Variants in OSBPL3 observed in about 807,000 individuals in gnomAD.
OSBPL3 encodes the protein oxysterol-binding protein-related protein 3.
OSBPL3 carries 65 observed loss-of-function variants against 120.1 expected under a neutral mutation model. The observed-to-expected ratio is 0.54, with a 90% CI of 0.44 to 0.67. The LOEUF (loss-of-function observed/expected upper bound fraction) is 0.67, where lower values mean the gene tolerates loss of function less well. Ranked by LOEUF, OSBPL3 falls within the 30% of genes least tolerant of loss-of-function variation. OSBPL3 has a pLI of 0.00. For synonymous variants in OSBPL3, 416 were observed against 402.6 expected (o/e 1.03, Z -0.40); for missense variants, 1,004 against 1,082.1 (o/e 0.93, Z 1.01).
rs1262790888 is a variant in OSBPL3, at chr7:24,968,985, G to A, written c.-150+10901C>T. ...CAATTTTGCATATATATCATTTTGT[G>A]AATTTTGCATATCTGTAGGATAAAG... On this transcript the variant is annotated intron_variant, in intron 1 of 22. Coordinates refer to ENST00000313367, the MANE Select transcript of OSBPL3 (RefSeq NM_015550.4). The surrounding 1 kb of genome is among the most constrained non-coding windows in gnomAD (Gnocchi z 4.6). Among the ~76,000 whole-genome samples the A allele has an allele frequency of 6.6e-6, 1 of 152,108 alleles. No homozygotes were observed. Among genetic ancestry groups the A allele is most frequent in the Non-Finnish European group, 1.5e-5 (1 of 68,020 alleles).
chr7:24,862,636 C>G lies in OSBPL3; in HGVS notation c.870+564G>C, dbSNP rs1461919428. On this transcript the variant is annotated intron_variant, in intron 9 of 22. Transcript: ENST00000313367. This position sits in a 1 kb window ranked among gnomAD's most constrained non-coding sequence, Gnocchi z 4.4. Reference sequence around the variant, plus strand: ...TAAAACTGTTGCAATTAATATGCAACAGTTAAGCTGCAAATCTTGGCCTGT... The same window carrying G: ...TAAAACTGTTGCAATTAATATGCAAGAGTTAAGCTGCAAATCTTGGCCTGT... 6.6e-6 allele frequency among the ~76,000 whole-genome samples: 1 copy of G among 152,106 alleles called. No homozygotes were observed. The highest frequency in any genetic ancestry group is 1.5e-5 in the Non-Finnish European group (1 of 68,032).
At chr7:24,923,063 G>A (rs1447035317) in intron 1 of OSBPL3, among the ~76,000 whole-genome samples, 1 of 152,142 alleles carries the variant, frequency 6.6e-6, no homozygotes, top group Non-Finnish European at 1.5e-5. Context: ...CAGAATCAGA[G>A]GTGGAACCAA....
At position 24,900,280 on chromosome 7, in the gene OSBPL3, G is replaced by A. The variant is rs1398876603; in HGVS notation, c.-149-7659C>T. Among the ~76,000 whole-genome samples, 7 of 152,094 alleles carry A rather than the reference G, an allele frequency of 4.6e-5. No individual in the cohort carries two copies. Among genetic ancestry groups the A allele is most frequent in the Non-Finnish European group, 7.4e-5 (5 of 68,000 alleles). ...TTACAACCATGGCATAGAATCTTTC[G>A]GCCTTTGGTATACAGCAGGTCCTCG... On this transcript the variant is annotated intron_variant, in intron 1 of 22. Transcript: ENST00000313367. The surrounding 1 kb of genome is among the most constrained non-coding windows in gnomAD (Gnocchi z 4.5).
chr7:24,918,179 G>A lies in OSBPL3; in HGVS notation c.-149-25558C>T, dbSNP rs945937200. ...TTTACAGTTTCATGTACAGACCTGA[G>A]AGGTCAAGAGAGTCATGAGAAACTG... On this transcript the variant is annotated intron_variant, in intron 1 of 22. Coordinates refer to ENST00000313367, the MANE Select transcript of OSBPL3 (RefSeq NM_015550.4). This position sits in a 1 kb window ranked among gnomAD's most constrained non-coding sequence, Gnocchi z 4.3. 7.1e-6 allele frequency: 3 copies of A among 424,486 alleles called. No homozygotes were observed. The highest frequency in any genetic ancestry group is 2.2e-5 in the African/African-American group (1 of 46,488). 26.3% of individuals were successfully genotyped at this position (424,486 alleles called of 1,614,324 possible).
At chr7:24,923,205 C>G (rs983482116) in intron 1 of OSBPL3, among the ~76,000 whole-genome samples, 2 of 152,214 alleles carry the variant, frequency 1.3e-5, no homozygotes, top group Non-Finnish European at 2.9e-5. Context: ...GCCTGTTGAC[C>G]TCTCTCTACA....
In OSBPL3 at chr7:24,946,903, C is replaced by G. The variant is rs559923695; in HGVS notation, c.-150+32983G>C. 6.6e-6 allele frequency among the ~76,000 whole-genome samples: 1 copy of G among 152,322 alleles called. No individual in the cohort carries two copies. The highest frequency in any genetic ancestry group is 1.5e-5 in the Non-Finnish European group (1 of 68,012). On this transcript the variant is annotated intron_variant, in intron 1 of 22. Transcript: ENST00000313367. The surrounding 1 kb of genome is among the most constrained non-coding windows in gnomAD (Gnocchi z 4.3). ...GATAAGAACTGTCTTAACTCTTTTT[C>G]TTTCCCACAACACTCATCAGGAATC...
At chr7:24,980,588 C>T (rs1301816698), upstream of OSBPL3, among the ~76,000 whole-genome samples, 1 of 152,046 alleles carries the variant, frequency 6.6e-6, no homozygotes, top group Admixed American at 6.5e-5. Flanking sequence ...ACGGAGAAGG[C>T]TCCAGGGGAC....
At chr7:24,903,300 T>G (rs1244396375) in intron 1 of OSBPL3, among the ~76,000 whole-genome samples, 2 of 152,162 alleles carry the variant, frequency 1.3e-5, no homozygotes, top group Non-Finnish European at 2.9e-5. Context: ...TAATAGCCTC[T>G]AGCTCACAGA....
intron 22 of OSBPL3, among the ~76,000 whole-genome samples, chr7:24,801,050 G>T (rs1792274051): frequency 6.6e-6 from 1 of 151,078 alleles, no homozygotes; most frequent in African/African-American, 2.4e-5. Context: ...AGACCAGCTT[G>T]GCCAACATGG....
At position 24,815,947 on chromosome 7, in the gene OSBPL3, A is replaced by T. The variant is rs764353720; in HGVS notation, c.2027+663T>A. Among the ~76,000 whole-genome samples the T allele has an allele frequency of 7.2e-5, 11 of 152,252 alleles. No individual in the cohort carries two copies. Among genetic ancestry groups the T allele is most frequent in the African/African-American group, 2.7e-4 (11 of 41,468 alleles). ...GCATCTTGCTTTATAAATAAGTATC[A>T]ATCATCCCTATCAGATCAAGGCCAT... On this transcript the variant is annotated intron_variant, in intron 18 of 22. Transcript: ENST00000313367. The surrounding 1 kb of genome is among the most constrained non-coding windows in gnomAD (Gnocchi z 5.1).
intron 14 of OSBPL3, among the ~76,000 whole-genome samples, chr7:24,839,966 G>A (rs1797498466): frequency 8.8e-6 from 1 of 113,624 alleles, no homozygotes; most frequent in Non-Finnish European, 1.7e-5. Flanking sequence ...ACTCCAGCCT[G>A]GGGACAGAAA....
At chr7:24,962,958 T>A (rs1310034005) in intron 1 of OSBPL3, among the ~76,000 whole-genome samples, 1 of 152,240 alleles carries the variant, frequency 6.6e-6, no homozygotes, top group Non-Finnish European at 1.5e-5. Context: ...AAAAAGTTTT[T>A]AAATATTTTT....
Position 24,877,389 on chromosome 7 carries a change from T to C in OSBPL3, c.97-5320A>G, listed in dbSNP as rs1248706362. ...CTGTGCATTTTAAGGCTGCCAAGTC[T>C]TCGCCATTCATTTTTTTTCATATTT... On this transcript the variant is annotated intron_variant, in intron 2 of 22. Transcript: ENST00000313367. This position sits in a 1 kb window ranked among gnomAD's most constrained non-coding sequence, Gnocchi z 4.8. Among the ~76,000 whole-genome samples the C allele has an allele frequency of 6.6e-6, 1 of 152,182 alleles. No individual in the cohort carries two copies. The highest frequency in any genetic ancestry group is 1.5e-5 in the Non-Finnish European group (1 of 68,034).
In OSBPL3 at chr7:24,894,054, G is replaced by A. The variant is rs1805762544; in HGVS notation, c.-149-1433C>T. 6.6e-6 allele frequency among the ~76,000 whole-genome samples: 1 copy of A among 151,992 alleles called. No individual in the cohort carries two copies. The highest frequency in any genetic ancestry group is 1.5e-5 in the Non-Finnish European group (1 of 68,030). On this transcript the variant is annotated intron_variant, in intron 1 of 22. Transcript: ENST00000313367. The surrounding 1 kb of genome is among the most constrained non-coding windows in gnomAD (Gnocchi z 4.1). ...ACATAGTCTAATTATAAAAAGAAGA[G>A]TATCATATATTTGTCTAGGAACCAG...
chr7:24,917,414 A>G (rs1324479799), intron 1 of OSBPL3, among the ~76,000 whole-genome samples: 1 of 141,030 alleles, frequency 7.1e-6, no homozygotes, highest in Non-Finnish European at 1.5e-5. Flanking sequence ...ATATATATAT[A>G]TATATATATA....
chr7:24,845,317 G>C (rs1027210947), intron 12 of OSBPL3, among the ~76,000 whole-genome samples: 5 of 143,766 alleles, frequency 3.5e-5, no homozygotes, highest in African/African-American at 1.3e-4. Flanking sequence ...CTGGATGAAG[G>C]CTGCATGGGA....
chr7:24,880,727 G>A (rs1399676109), intron 2 of OSBPL3, among the ~76,000 whole-genome samples: 2 of 152,048 alleles, frequency 1.3e-5, no homozygotes, highest in Admixed American at 1.3e-4. Flanking sequence ...ATGAGTGAGG[G>A]GCTTTTAAGG....
At chr7:24,963,193 A>G (rs979951721) in intron 1 of OSBPL3, among the ~76,000 whole-genome samples, 2 of 152,210 alleles carry the variant, frequency 1.3e-5, no homozygotes, top group Non-Finnish European at 2.9e-5. Flanking sequence ...AGGAGCTCAC[A>G]GGATAAAGTG....
rs182671926 is a variant in OSBPL3, at chr7:24,916,392, G to A, written c.-149-23771C>T. ...TTAACATTTGTTATCTTCCGCTTGA[G>A]CTTTTTTGGGTAATATTTTACTTTC... On this transcript the variant is annotated intron_variant, in intron 1 of 22. Coordinates refer to ENST00000313367, the MANE Select transcript of OSBPL3 (RefSeq NM_015550.4). The surrounding 1 kb of genome is among the most constrained non-coding windows in gnomAD (Gnocchi z 4.9). 1.6e-4 allele frequency among the ~76,000 whole-genome samples: 24 copies of A among 152,016 alleles called. No individual in the cohort carries two copies. The highest frequency in any genetic ancestry group is 8.5e-4 in the Admixed American group (13 of 15,258).
Sources: gnomAD v4.1 joint callset for allele counts (sites outside exome capture counted in the v4.1 genomes callset) on GRCh38, gnomAD v4.1.1 for gene constraint, Gnocchi (gnomAD v3.1) non-coding constraint, MANE v1.5 for transcripts, NCBI Gene and HGNC (gene_info 2026-07-23, HGNC 2026-07-21) for gene names.